RABGAP1L: variants seen among roughly 807,000 people sequenced by gnomAD.
RABGAP1L encodes rab GTPase-activating protein 1-like.
Under a neutral mutation model 137.7 loss-of-function variants are expected in RABGAP1L, and 63 were observed. That is an observed-to-expected ratio of 0.46 (90% confidence interval 0.37 to 0.56). The LOEUF is 0.56. Among genes scored for constraint, RABGAP1L ranks in the 20% least tolerant of loss-of-function variants. The pLI, the probability that RABGAP1L is intolerant of heterozygous loss-of-function variation, is 0.00. For synonymous variants in RABGAP1L, 431 were observed against 433.7 expected (o/e 0.99, Z 0.08); for missense variants, 1,095 against 1,244.0 (o/e 0.88, Z 1.80).
chr1:174,458,032 G>T lies in RABGAP1L; in HGVS notation c.1710+63887G>T, dbSNP rs369670505. 5.3e-5 allele frequency among the ~76,000 whole-genome samples: 8 copies of T among 152,196 alleles called. No individual in the cohort carries two copies. The East Asian group carries it at 1.2e-3, about 22-fold the overall frequency. On this transcript the variant is annotated intron_variant, in intron 13 of 25. Transcript: ENST00000681986. The stretch of plus-strand genomic sequence containing the variant: ...TGTGCCAGGGACTATTCTTAATTCT[G>T]TGTAAGATAAGGAGATTTCTAAGTA...
chr1:174,811,876 A>T lies in RABGAP1L; in HGVS notation c.2256A>T (p.Leu752Phe). The T allele has an allele frequency of 6.2e-7, 1 of 1,607,286 alleles. No individual in the cohort carries two copies. The highest frequency in any genetic ancestry group is 8.5e-7 in the Non-Finnish European group (1 of 1,176,598). ...DLLQADFEGA[L>F]KFFRVQLPKR... The stretch of plus-strand genomic sequence containing the variant: ...TGCAGGCTGATTTTGAAGGTGCTTT[A>T]AAGTTCTTTAGAGTTCAGCTTCCAA... Residue 752 changes from leucine to phenylalanine, a missense_variant, in exon 19 of 26, where the codon TTA (leucine) becomes TTT (phenylalanine). Leu to Phe is a conservative substitution (Grantham distance 22). Coordinates refer to ENST00000681986, the MANE Select transcript of RABGAP1L (RefSeq NM_001366446.1).
intron 18 of RABGAP1L, among the ~76,000 whole-genome samples, chr1:174,809,878 G>A (rs936633854): frequency 6.6e-6 from 1 of 152,220 alleles, no homozygotes; most frequent in Non-Finnish European, 1.5e-5. Context: ...TCAGACTGAA[G>A]TTGTTTCCAG....
chr1:174,192,322 T>TC (rs1194371358), intron 1 of RABGAP1L, among the ~76,000 whole-genome samples: 1 of 148,052 alleles, frequency 6.8e-6, no homozygotes, highest in East Asian at 1.9e-4. Context: ...TGAGGTGTTT[T>TC]TTTTTTTTTT....
At chr1:174,597,699 G>T (rs928807894) in intron 13 of RABGAP1L, among the ~76,000 whole-genome samples, 3 of 151,726 alleles carry the variant, frequency 2.0e-5, no homozygotes, top group African/African-American at 4.8e-5. Context: ...TTAATCTTGT[G>T]TATTGTTCTT....
At chr1:174,900,655 G>A (rs1173919633) in intron 19 of RABGAP1L, among the ~76,000 whole-genome samples, 1 of 152,140 alleles carries the variant, frequency 6.6e-6, no homozygotes, top group African/African-American at 2.4e-5. Flanking sequence ...GAGTAGCTGG[G>A]ATTACAGGTG....
At chr1:174,830,150 G>C (rs1296770047) in intron 19 of RABGAP1L, among the ~76,000 whole-genome samples, 1 of 147,924 alleles carries the variant, frequency 6.8e-6, no homozygotes, top group Admixed American at 6.8e-5. Flanking sequence ...GCAAGATCCA[G>C]TGCACAAACA....
intron 19 of RABGAP1L, chr1:174,892,399 T>C (rs979638404): frequency 2.5e-6 from 1 of 396,416 alleles, no homozygotes; most frequent in Admixed American, 3.3e-5. Context: ...TCCACCACTA[T>C]AATCCCTGGT....
At chr1:174,664,730 C>CTT (rs747671420) in intron 14 of RABGAP1L, among the ~76,000 whole-genome samples, 1,436 of 98,702 alleles carry the variant, frequency 0.015, 110 homozygotes, top group African/African-American at 0.032. Flanking sequence ...TTTCTTTCTG[C>CTT]TTTCTTTTTT....
intron 2 of RABGAP1L, among the ~76,000 whole-genome samples, chr1:174,220,305 C>T (rs9786955): frequency 6.6e-6 from 1 of 152,034 alleles, no homozygotes; most frequent in African/African-American, 2.4e-5. Flanking sequence ...TTAAATTTAC[C>T]TATTTTTTCC....
chr1:174,649,653 T>C (rs1402537768), intron 14 of RABGAP1L, among the ~76,000 whole-genome samples: 1 of 152,138 alleles, frequency 6.6e-6, no homozygotes, highest in African/African-American at 2.4e-5. Flanking sequence ...TATTGGTGTA[T>C]AAGAATGCTT....
In RABGAP1L at chr1:174,686,648, C is replaced by CTTTTTTTTTTTTTTTTTTT. The variant is rs533716511; in HGVS notation, c.1899+3061_1899+3079dup. Among the ~76,000 whole-genome samples the CTTTTTTTTTTTTTTTTTTT allele has an allele frequency of 3.8e-5, 4 of 105,770 alleles. 2 individuals carry two copies. Among genetic ancestry groups the CTTTTTTTTTTTTTTTTTTT allele is most frequent in the African/African-American group, 5.7e-5 (2 of 35,242 alleles). The allele number at this position is 105,770 out of a possible 152,430, so 69.4% of individuals were successfully genotyped here. A position where few individuals can be genotyped will look rare whatever the true frequency, so the allele number is the denominator to read the frequency against. Reference sequence around the variant, plus strand: ...GAAGCTTTGGTTTGAACAAAGCAATCTTTTTTTTTTTTTTTTTTTTTTTTT... The same window carrying CTTTTTTTTTTTTTTTTTTT: ...GAAGCTTTGGTTTGAACAAAGCAATCTTTTTTTTTTTTTTTTTTTTTTTTTTTTTTTTTTTTTTTTTTTT... On this transcript the variant is annotated intron_variant, in intron 15 of 25. Coordinates refer to ENST00000681986, the MANE Select transcript of RABGAP1L (RefSeq NM_001366446.1).
At chr1:174,210,222 A>G (rs1196540745) in intron 1 of RABGAP1L, among the ~76,000 whole-genome samples, 1 of 152,216 alleles carries the variant, frequency 6.6e-6, no homozygotes, top group East Asian at 1.9e-4. Flanking sequence ...CATCAAGACC[A>G]TTCAGGAAAA....
Position 174,990,246 on chromosome 1 carries a change from C to T in RABGAP1L, c.*245C>T, listed in dbSNP as rs1671969332. 2.8e-6 allele frequency: 1 copy of T among 363,286 alleles called. No individual in the cohort carries two copies. 22.5% of individuals were successfully genotyped at this position (363,286 alleles called of 1,614,324 possible). On this transcript the variant is annotated 3_prime_UTR_variant, in exon 26 of 26. Transcript: ENST00000681986. ...TGTTCAGATCCATCATAGTATTACACATTATTTTGTTTGCCTGATGTTTAG... is the reference window on the plus strand; with the variant it reads ...TGTTCAGATCCATCATAGTATTACATATTATTTTGTTTGCCTGATGTTTAG...
At chr1:174,766,634 A>G (rs1685694235) in intron 18 of RABGAP1L, among the ~76,000 whole-genome samples, 1 of 152,226 alleles carries the variant, frequency 6.6e-6, no homozygotes. Flanking sequence ...CAAAAAGGCA[A>G]TAGGATTTTA....
chr1:174,968,058 G>T (rs1222710060), intron 20 of RABGAP1L, among the ~76,000 whole-genome samples: 1 of 151,836 alleles, frequency 6.6e-6, no homozygotes, highest in African/African-American at 2.4e-5. Flanking sequence ...CTCAGACTTT[G>T]CCCTTACCAT....
intron 1 of RABGAP1L, among the ~76,000 whole-genome samples, chr1:174,180,485 G>A (rs1666261542): frequency 6.6e-6 from 1 of 152,076 alleles, no homozygotes; most frequent in Non-Finnish European, 1.5e-5. Context: ...ATTTTTTTGA[G>A]ATAAGGTCTC....
At chr1:174,739,893 C>G (rs922629178) in intron 17 of RABGAP1L, among the ~76,000 whole-genome samples, 2 of 152,206 alleles carry the variant, frequency 1.3e-5, no homozygotes, top group African/African-American at 4.8e-5. Context: ...TTAAGATTTA[C>G]TACGCAATAT....
chr1:174,564,173 CTCATA>C (rs1160994841), intron 13 of RABGAP1L, among the ~76,000 whole-genome samples: 2 of 152,112 alleles, frequency 1.3e-5, no homozygotes, highest in African/African-American at 2.4e-5. Flanking sequence ...TCTTTTTAAT[CTCATA>C]TCATATCTAA....
intron 13 of RABGAP1L, among the ~76,000 whole-genome samples, chr1:174,422,615 ATCAG>A (rs1424308575): frequency 6.6e-6 from 1 of 152,122 alleles, no homozygotes. Flanking sequence ...TTAATCTTAA[ATCAG>A]TCAGGTAACC....
Sources: allele counts gnomAD v4.1 joint callset (sites outside exome capture counted in the v4.1 genomes callset), GRCh38; gene constraint gnomAD v4.1.1; transcripts MANE v1.5; gene names NCBI Gene and HGNC (gene_info 2026-07-23, HGNC 2026-07-21).